R3HDM1: variants seen among roughly 807,000 people sequenced by gnomAD.
R3HDM1 encodes R3H domain containing 1, also known as R3H domain-containing protein 1.
R3HDM1 carries 46 observed loss-of-function variants against 141.1 expected under a neutral mutation model. The ratio of observed to expected loss-of-function variants is 0.33; its 90% CI spans 0.26 to 0.42. R3HDM1 has a LOEUF of 0.42. R3HDM1 is among the 10% of genes least tolerant of loss of function. R3HDM1 has a pLI of 1.00. For missense variants in R3HDM1, 1,184 were observed against 1,368.3 expected, an observed-to-expected ratio of 0.87 and a Z score of 2.12; for synonymous variants, 435 against 472.9, an observed-to-expected ratio of 0.92 and a Z score of 1.04.
chr2:135,687,622 T>G (rs1418915866), intron 21 of R3HDM1, among the ~76,000 whole-genome samples: 2 of 151,172 alleles, frequency 1.3e-5, no homozygotes. Flanking sequence ...GCAACAAATA[T>G]TTTTATTTTG....
In R3HDM1 at chr2:135,651,761, T is replaced by G. The variant is rs1270253660; in HGVS notation, c.1757T>G (p.Met586Arg). 26 of 1,613,620 alleles carry G rather than the reference T, an allele frequency of 1.6e-5. No homozygotes were observed. Among genetic ancestry groups the G allele is most frequent in the Non-Finnish European group, 2.2e-5 (26 of 1,179,760 alleles). Residue 586 changes from methionine to arginine, a missense_variant, in exon 18 of 27, where the codon ATG (methionine) becomes AGG (arginine). Coordinates refer to ENST00000683871, the MANE Select transcript of R3HDM1 (RefSeq NM_001378107.1). ...QDNLGSQFSH[M>R]SLARQPSADG... The stretch of plus-strand genomic sequence containing the variant: ...AACCTAGGGTCTCAGTTTAGCCACA[T>G]GAGTCTTGCTCGCCAGCCATCTGCT...
At chr2:135,617,186 G>A (rs993147114) in intron 5 of R3HDM1, among the ~76,000 whole-genome samples, 1 of 151,996 alleles carries the variant, frequency 6.6e-6, no homozygotes, top group Non-Finnish European at 1.5e-5. Flanking sequence ...AATTAGCCGG[G>A]CATGGTGGTG....
Position 135,622,741 on chromosome 2 carries a change from T to C in R3HDM1, c.497+9T>C. On this transcript the variant is annotated intron_variant, in intron 7 of 26. Transcript: ENST00000683871. ...TTAAAAAACAATCCCAGGTAAAAAT[T>C]AAATTTATAAGGTTTCCATTGCTTC... 1 of 1,562,120 alleles carries C rather than the reference T, an allele frequency of 6.4e-7. No homozygotes were observed. The highest frequency in any genetic ancestry group is 8.7e-7 in the Non-Finnish European group (1 of 1,146,690).
intron 19 of R3HDM1, among the ~76,000 whole-genome samples, chr2:135,671,406 G>T (rs2068318621): frequency 6.6e-6 from 1 of 151,868 alleles, no homozygotes; most frequent in African/African-American, 2.4e-5. Context: ...TTTCGCTCTT[G>T]TCGCCCAGGC....
intron 15 of R3HDM1, among the ~76,000 whole-genome samples, chr2:135,642,933 T>TA (rs2063957505): frequency 6.6e-6 from 1 of 152,208 alleles, no homozygotes; most frequent in Non-Finnish European, 1.5e-5. Flanking sequence ...GTTATTATGT[T>TA]ACTAACATTC....
chr2:135,699,074 A>T (rs2073844356), intron 21 of R3HDM1, among the ~76,000 whole-genome samples: 1 of 36,012 alleles, frequency 2.8e-5, no homozygotes, highest in Non-Finnish European at 7.1e-5. Context: ...GATTAGATAG[A>T]TTAGATAGAT....
Position 135,682,941 on chromosome 2 carries a change from G to A in R3HDM1, c.2459+2617G>A, listed in dbSNP as rs188701649. 2.0e-5 allele frequency among the ~76,000 whole-genome samples: 3 copies of A among 152,204 alleles called. No individual in the cohort carries two copies. In the East Asian group the frequency reaches 5.8e-4, roughly 29 times the overall value. On this transcript the variant is annotated intron_variant, in intron 21 of 26. Transcript: ENST00000683871. ...GAACCTGGGAGGCAGAGGTTGCAGTGAGCTCAGATTGCACCACAGCACTTC... is the reference window on the plus strand; with the variant it reads ...GAACCTGGGAGGCAGAGGTTGCAGTAAGCTCAGATTGCACCACAGCACTTC...
intron 3 of R3HDM1, among the ~76,000 whole-genome samples, chr2:135,615,879 C>T (rs2060979701): frequency 2.0e-5 from 3 of 152,062 alleles, no homozygotes; most frequent in South Asian, 4.1e-4. Flanking sequence ...CCATTGTACT[C>T]AATTAACACA....
chr2:135,660,503 T>TC (rs1342359795), intron 18 of R3HDM1, among the ~76,000 whole-genome samples: 1 of 152,194 alleles, frequency 6.6e-6, no homozygotes, highest in East Asian at 1.9e-4. Context: ...ATGTTGGTAC[T>TC]CAGAAAGTTA....
At chr2:135,640,524 T>C (rs569108634) in intron 14 of R3HDM1, among the ~76,000 whole-genome samples, 2 of 152,338 alleles carry the variant, frequency 1.3e-5, no homozygotes, top group East Asian at 3.9e-4. Flanking sequence ...AAAAGAAATA[T>C]TAATTGGCCC....
At chr2:135,593,116 C>T (rs1251501596) in intron 1 of R3HDM1, among the ~76,000 whole-genome samples, 1 of 151,980 alleles carries the variant, frequency 6.6e-6, no homozygotes, top group Non-Finnish European at 1.5e-5. Context: ...GTTGAGGTTT[C>T]ACCATGTTGG....
At chr2:135,706,922 C>T (rs1396016850) in intron 21 of R3HDM1, among the ~76,000 whole-genome samples, 1 of 151,970 alleles carries the variant, frequency 6.6e-6, no homozygotes, top group Admixed American at 6.6e-5. Context: ...GGTGGCCGGG[C>T]AGAGGGGCTC....
At position 135,666,515 on chromosome 2, in the gene R3HDM1, C is replaced by A. The variant is rs916904406; in HGVS notation, c.2152+5122C>A. 2.6e-5 allele frequency among the ~76,000 whole-genome samples: 4 copies of A among 152,142 alleles called. No individual in the cohort carries two copies. The South Asian group carries it at 8.3e-4, about 31-fold the overall frequency. On this transcript the variant is annotated intron_variant, in intron 19 of 26. Transcript: ENST00000683871. ...TCCACCTATTTCCCTTTTCCCTTCTCCATTAACCTGCCGCCACTGAAATCT... is the reference window on the plus strand; with the variant it reads ...TCCACCTATTTCCCTTTTCCCTTCTACATTAACCTGCCGCCACTGAAATCT...
At chr2:135,655,483 T>G (rs1559357959) in intron 18 of R3HDM1, among the ~76,000 whole-genome samples, 2 of 151,806 alleles carry the variant, frequency 1.3e-5, no homozygotes, top group South Asian at 4.2e-4. Flanking sequence ...TCTTTTTCTT[T>G]TTTTTGTTTT....
chr2:135,648,776 T>TAAA (rs80306666), intron 16 of R3HDM1, among the ~76,000 whole-genome samples: 1 of 129,736 alleles, frequency 7.7e-6, no homozygotes, highest in African/African-American at 2.7e-5. Context: ...ATTACAACTT[T>TAAA]AAAAAAAAAA....
intron 4 of R3HDM1, 42 bp downstream of exon 4, chr2:135,616,235 C>CCTTCATG: frequency 6.4e-7 from 1 of 1,550,598 alleles, no homozygotes; most frequent in Non-Finnish European, 8.9e-7. Flanking sequence ...CAAGGGCCTT[C>CCTTCATG]CTTCATGCTT....
chr2:135,550,160 A>AT lies in R3HDM1; in HGVS notation c.-250+18534dup, dbSNP rs975706102. 10 of 984,310 alleles carry AT rather than the reference A, an allele frequency of 1.0e-5. No individual in the cohort carries two copies. In the African/African-American group the frequency reaches 1.6e-4, roughly 15 times the overall value. The allele number at this position is 984,310 out of a possible 1,614,324, so 61.0% of individuals were successfully genotyped here. A position where few individuals can be genotyped will look rare whatever the true frequency, so the allele number is the denominator to read the frequency against. On this transcript the variant is annotated intron_variant, in intron 1 of 26. Transcript: ENST00000683871. The stretch of plus-strand genomic sequence containing the variant: ...GTTGTCATTCTATGTTACACGAACT[A>AT]TTTTTTTACACACTCCACAGCTTTT...
At position 135,592,286 on chromosome 2, in the gene R3HDM1, A is replaced by G. The variant is rs918875901; in HGVS notation, c.-249-10214A>G. Reference sequence around the variant, plus strand: ...AATTCCAAGAATTTAGAAGCTGCCTACTAAGGACAAAGGTCAGCCAAATTT... The same window carrying G: ...AATTCCAAGAATTTAGAAGCTGCCTGCTAAGGACAAAGGTCAGCCAAATTT... On this transcript the variant is annotated intron_variant, in intron 1 of 26. Coordinates refer to ENST00000683871, the MANE Select transcript of R3HDM1 (RefSeq NM_001378107.1). Among the ~76,000 whole-genome samples the G allele has an allele frequency of 5.9e-5, 9 of 152,224 alleles. 1 individual carries two copies. Among genetic ancestry groups the G allele is most frequent in the Admixed American group, 3.3e-4 (5 of 15,284 alleles).
chr2:135,669,308 C>A (rs1198129569), intron 19 of R3HDM1: 1 of 985,312 alleles, frequency 1.0e-6, no homozygotes, highest in African/African-American at 1.7e-5. Flanking sequence ...CCCCCAAGTT[C>A]ATGTGGCTAC....
Sources: gnomAD v4.1 joint callset for allele counts (sites outside exome capture counted in the v4.1 genomes callset) on GRCh38, gnomAD v4.1.1 for gene constraint, MANE v1.5 for transcripts, NCBI Gene and HGNC (gene_info 2026-07-23, HGNC 2026-07-21) for gene names.